Variants in MPDZ observed in about 807,000 individuals in gnomAD.
MPDZ encodes multiple PDZ domain protein.
Under a neutral mutation model 239.1 loss-of-function variants are expected in MPDZ, and 234 were observed. The observed-to-expected ratio is 0.98, with a 90% confidence interval of 0.88 to 1.09. The LOEUF is 1.09. MPDZ is among the 50% of genes least tolerant of loss of function. MPDZ has a pLI of 0.00. For synonymous variants in MPDZ, 1,048 were observed against 881.3 expected (o/e 1.19, Z -3.35); for missense variants, 3,175 against 2,510.0 (o/e 1.26, Z -5.66).
At chr9:13,139,116 C>A (rs921988993) in intron 28 of MPDZ, among the ~76,000 whole-genome samples, 1 of 152,160 alleles carries the variant, frequency 6.6e-6, no homozygotes, top group Admixed American at 6.5e-5. Flanking sequence ...TATTATATGG[C>A]TAATGGGCCA....
chr9:13,228,882 T>C (rs1961494832), intron 3 of MPDZ, among the ~76,000 whole-genome samples: 1 of 152,196 alleles, frequency 6.6e-6, no homozygotes, highest in Admixed American at 6.6e-5. Context: ...TACAAATAGC[T>C]TTAAAAATGA....
chr9:13,279,327 C>G (rs1427549211), intron 1 of MPDZ, 73 bp downstream of exon 1: 3 of 141,216 alleles, frequency 2.1e-5, no homozygotes, highest in Non-Finnish European at 4.7e-5. Flanking sequence ...GCCCGCGCAC[C>G]TTCCCCGCCG....
chr9:13,214,543 A>G (rs1014161262), intron 10 of MPDZ, among the ~76,000 whole-genome samples: 1 of 152,058 alleles, frequency 6.6e-6, no homozygotes, highest in African/African-American at 2.4e-5. Flanking sequence ...ACTGTACTGT[A>G]CATTTTAAAT....
chr9:13,154,560 C>T (rs975609378), intron 24 of MPDZ, among the ~76,000 whole-genome samples: 9 of 152,166 alleles, frequency 5.9e-5, no homozygotes, highest in African/African-American at 1.7e-4. Flanking sequence ...AGAGTCTCTA[C>T]ACAGAGTTTC....
At chr9:13,138,247 C>A in intron 28 of MPDZ, 94 bp from the exon 29 acceptor site, 1 of 1,264,496 alleles carries the variant, frequency 7.9e-7, no homozygotes, top group Admixed American at 3.1e-5. Flanking sequence ...CTCAAAAGGA[C>A]AGATTTTATA....
chr9:13,164,759 T>C (rs1169975305), intron 22 of MPDZ, among the ~76,000 whole-genome samples: 2 of 152,088 alleles, frequency 1.3e-5, no homozygotes, highest in African/African-American at 2.4e-5. Context: ...GACGGTAGTT[T>C]TCCTAACTAT....
Position 13,196,137 on chromosome 9 carries a change from A to T in MPDZ, c.1640T>A (p.Ile547Asn). 2 of 1,598,148 alleles carry T rather than the reference A, an allele frequency of 1.3e-6. No individual in the cohort carries two copies. Among genetic ancestry groups the T allele is most frequent in the Non-Finnish European group, 1.7e-6 (2 of 1,170,862 alleles). The change falls in exon 13 of 47, where the codon ATT becomes AAT. Residue 547 changes from isoleucine to asparagine, a missense_variant. Transcript: ENST00000319217. ...CTAACCTACCACTATTTCATAGTTA[A>T]TTCCCATAATCCTTTGCCATTTTGT... ...LLTKWQRIMG[I>N]NYEIVVAHVS...
At chr9:13,113,117 A>C in intron 41 of MPDZ, 63 bp from the exon 42 acceptor site, 1 of 1,427,396 alleles carries the variant, frequency 7.0e-7, no homozygotes, top group Non-Finnish European at 9.6e-7. Context: ...ATGTTCGTTA[A>C]AATATCTAAA....
At chr9:13,152,803 A>G (rs1225879520) in intron 24 of MPDZ, among the ~76,000 whole-genome samples, 1 of 152,004 alleles carries the variant, frequency 6.6e-6, no homozygotes, top group African/African-American at 2.4e-5. Context: ...CCACAAAATA[A>G]AGACATGAAT....
intron 10 of MPDZ, among the ~76,000 whole-genome samples, chr9:13,209,844 T>G (rs1957408754): frequency 6.6e-6 from 1 of 151,972 alleles, no homozygotes; most frequent in African/African-American, 2.4e-5. Flanking sequence ...ATGCATGCAA[T>G]TTTCCCATAG....
intron 16 of MPDZ, 86 bp from the exon 17 acceptor site, chr9:13,189,079 G>A (rs1228299088): frequency 1.7e-6 from 2 of 1,149,516 alleles, no homozygotes; most frequent in Non-Finnish European, 2.4e-6. Flanking sequence ...TAACGAATGA[G>A]TAATTGTCTC....
At chr9:13,195,174 G>T (rs1187147060) in intron 13 of MPDZ, among the ~76,000 whole-genome samples, 7 of 152,064 alleles carry the variant, frequency 4.6e-5, no homozygotes, top group Admixed American at 6.6e-5. Flanking sequence ...TGTAGTCCAA[G>T]CTACTCGGAA....
chr9:13,252,431 T>C (rs1452360758), intron 1 of MPDZ, among the ~76,000 whole-genome samples: 1 of 151,674 alleles, frequency 6.6e-6, no homozygotes. Context: ...CTGGGTGTGG[T>C]GGAACCAGCC....
intron 18 of MPDZ, among the ~76,000 whole-genome samples, chr9:13,185,731 CAG>C (rs1321178529): frequency 6.6e-6 from 1 of 152,036 alleles, no homozygotes; most frequent in Non-Finnish European, 1.5e-5. Flanking sequence ...AAACATCAAA[CAG>C]AAATAAAATT....
chr9:13,241,223 C>A (rs1965318630), intron 3 of MPDZ, among the ~76,000 whole-genome samples: 1 of 152,066 alleles, frequency 6.6e-6, no homozygotes, highest in African/African-American at 2.4e-5. Flanking sequence ...CACTCATTCT[C>A]TTTTAACTTC....
intron 1 of MPDZ, among the ~76,000 whole-genome samples, chr9:13,251,976 C>T (rs1968163912): frequency 6.6e-6 from 1 of 152,156 alleles, no homozygotes; most frequent in African/African-American, 2.4e-5. Context: ...TTTTAAAACA[C>T]ACTTACTCAT....
intron 18 of MPDZ, among the ~76,000 whole-genome samples, chr9:13,185,957 G>T (rs886301082): frequency 2.6e-5 from 4 of 152,042 alleles, no homozygotes; most frequent in African/African-American, 9.7e-5. Context: ...CACAGTTAAA[G>T]AATGCCTAGA....
intron 23 of MPDZ, among the ~76,000 whole-genome samples, chr9:13,159,996 A>G (rs1950271474): frequency 6.6e-6 from 1 of 152,144 alleles, no homozygotes; most frequent in Non-Finnish European, 1.5e-5. Context: ...ATCTCTTTAT[A>G]TCTGCAAATA....
At chr9:13,195,402 T>C (rs1055235933) in intron 13 of MPDZ, among the ~76,000 whole-genome samples, 1 of 152,200 alleles carries the variant, frequency 6.6e-6, no homozygotes, top group Non-Finnish European at 1.5e-5. Flanking sequence ...TTAATATATG[T>C]CATCTGTTGT....
Sources: gnomAD v4.1 joint callset for allele counts (sites outside exome capture counted in the v4.1 genomes callset) on GRCh38, gnomAD v4.1.1 for gene constraint, MANE v1.5 for transcripts, NCBI Gene and HGNC (gene_info 2026-07-23, HGNC 2026-07-21) for gene names.